The following SVEP1 variants were observed in gnomAD, a reference collection of about 807,000 sequenced individuals.
The protein encoded by SVEP1 is sushi, von Willebrand factor type A, EGF and pentraxin domain containing 1.
SVEP1 carries 164 observed loss-of-function variants against 367.3 expected under a neutral mutation model. The observed-to-expected ratio is 0.45, with a 90% CI of 0.39 to 0.51. SVEP1 has a LOEUF of 0.51. SVEP1 is among the 20% of genes least tolerant of loss of function. The pLI, the probability that SVEP1 is intolerant of heterozygous loss-of-function variation, is 0.00. For synonymous variants in SVEP1, 1,666 were observed against 1,611.6 expected, an observed-to-expected ratio of 1.03 and a Z score of -0.81; for missense variants, 4,117 against 4,425.3, an observed-to-expected ratio of 0.93 and a Z score of 1.98.
intron 12 of SVEP1, 64 bp from the exon 13 acceptor site, chr9:110,479,820 C>T: frequency 6.4e-7 from 1 of 1,556,352 alleles, no homozygotes; most frequent in Non-Finnish European, 8.7e-7. Context: ...ATTTGACTTT[C>T]TATGAAATAA....
chr9:110,438,803 T>C (rs1780136403), intron 27 of SVEP1, among the ~76,000 whole-genome samples: 1 of 152,204 alleles, frequency 6.6e-6, no homozygotes, highest in African/African-American at 2.4e-5. Flanking sequence ...TTGCCAGCGC[T>C]CTATACACAG....
At chr9:110,449,456 G>A (rs184945819) in intron 24 of SVEP1, among the ~76,000 whole-genome samples, 113 of 152,270 alleles carry the variant, frequency 7.4e-4, no homozygotes, top group African/African-American at 2.5e-3. Flanking sequence ...TAAAGCACAT[G>A]TGGCTCATCT....
At chr9:110,568,367 C>A (rs774521027) in intron 1 of SVEP1, among the ~76,000 whole-genome samples, 1 of 152,178 alleles carries the variant, frequency 6.6e-6, no homozygotes, top group Non-Finnish European at 1.5e-5. Flanking sequence ...ACAGAGTGTG[C>A]GATGAACATT....
chr9:110,507,783 G>C (rs1292330354), intron 5 of SVEP1, among the ~76,000 whole-genome samples: 1 of 152,144 alleles, frequency 6.6e-6, no homozygotes, highest in Non-Finnish European at 1.5e-5. Flanking sequence ...ATTAAAAGGT[G>C]AATCAGATAA....
intron 26 of SVEP1, among the ~76,000 whole-genome samples, chr9:110,444,888 T>C (rs547334880): frequency 3.9e-5 from 6 of 152,326 alleles, no homozygotes; most frequent in African/African-American, 1.4e-4. Context: ...CTTCTTGGAT[T>C]TTTGTTTTTG....
intron 24 of SVEP1, among the ~76,000 whole-genome samples, chr9:110,448,565 T>G (rs1216765310): frequency 6.6e-6 from 1 of 152,362 alleles, no homozygotes; most frequent in East Asian, 1.9e-4. Flanking sequence ...TTTATCCTCC[T>G]GTGTTTGGTG....
intron 44 of SVEP1, among the ~76,000 whole-genome samples, chr9:110,379,012 G>A (rs1049266426): frequency 6.6e-6 from 1 of 151,572 alleles, no homozygotes; most frequent in Non-Finnish European, 1.5e-5. Context: ...CGTACTTCTC[G>A]ACTTCTAGCA....
At chr9:110,493,201 T>G (rs958851035) in intron 8 of SVEP1, among the ~76,000 whole-genome samples, 2 of 151,612 alleles carry the variant, frequency 1.3e-5, no homozygotes, top group Non-Finnish European at 2.9e-5. Context: ...GGCAGGGAAC[T>G]GTAAGGGGTT....
At chr9:110,423,520 C>T (rs558674417) in intron 36 of SVEP1, among the ~76,000 whole-genome samples, 1 of 152,154 alleles carries the variant, frequency 6.6e-6, no homozygotes, top group South Asian at 2.1e-4. Context: ...GGAGTGCTGA[C>T]AGAAGTTAAT....
At chr9:110,416,180 G>GA (rs961059816) in intron 36 of SVEP1, among the ~76,000 whole-genome samples, 13 of 151,702 alleles carry the variant, frequency 8.6e-5, no homozygotes, top group Admixed American at 1.3e-4. Flanking sequence ...TTGGCAGACA[G>GA]AAAAAACTGC....
intron 1 of SVEP1, among the ~76,000 whole-genome samples, chr9:110,551,957 G>C (rs1564174543): frequency 6.6e-6 from 1 of 151,594 alleles, no homozygotes. Context: ...TATCTGGGAT[G>C]GTGGTACATC....
At chr9:110,391,339 C>A (rs778910504) in intron 40 of SVEP1, among the ~76,000 whole-genome samples, 1 of 149,840 alleles carries the variant, frequency 6.7e-6, no homozygotes, top group Non-Finnish European at 1.5e-5. Flanking sequence ...GGTGCAATCT[C>A]GGCTCTCTGC....
intron 36 of SVEP1, among the ~76,000 whole-genome samples, chr9:110,414,499 G>C (rs2781265): frequency 0.39 from 58,701 of 151,748 alleles, 12,032 homozygotes; most frequent in African/African-American, 0.51. Context: ...TTTGTATGAA[G>C]ATCTGAACTT....
At chr9:110,492,392 G>A (rs2118731191) in intron 8 of SVEP1, among the ~76,000 whole-genome samples, 1 of 152,180 alleles carries the variant, frequency 6.6e-6, no homozygotes, top group Admixed American at 6.5e-5. Flanking sequence ...CGGCTGAAAA[G>A]TTAAACTGAT....
intron 17 of SVEP1, among the ~76,000 whole-genome samples, chr9:110,467,554 T>C (rs1451414712): frequency 1.3e-5 from 2 of 152,034 alleles, no homozygotes; most frequent in Non-Finnish European, 2.9e-5. Context: ...TTTAGTATCG[T>C]ACCCCTGGGG....
intron 40 of SVEP1, among the ~76,000 whole-genome samples, chr9:110,392,054 A>C (rs1225570010): frequency 1.3e-5 from 2 of 150,326 alleles, no homozygotes; most frequent in African/African-American, 4.9e-5. Flanking sequence ...GAATTACACC[A>C]CCAGCTTCTC....
intron 40 of SVEP1, among the ~76,000 whole-genome samples, chr9:110,390,194 T>C (rs1358643893): frequency 1.6e-5 from 2 of 127,718 alleles, no homozygotes; most frequent in South Asian, 2.3e-4. Flanking sequence ...TATACACTTA[T>C]ATAAGTATGT....
rs1827511484 is a variant in SVEP1, at chr9:110,385,749, ATTTACAAACATTAATGAGGAAGATGAT to A, written c.10237+122_10237+148del. The A allele has an allele frequency of 5.4e-6, 5 of 927,026 alleles. No homozygotes were observed. In the East Asian group the frequency reaches 1.6e-4, roughly 29 times the overall value. 57.4% of individuals were successfully genotyped at this position (927,026 alleles called of 1,614,324 possible). On this transcript the variant is annotated intron_variant, in intron 43 of 47. Transcript: ENST00000374469. ...GTTTGAAATTCAAAGATTAAAAGAA[ATTTACAAACATTAATGAGGAAGATGAT>A]AACTGTGATAGCACAGAGATCTAAG...
chr9:110,374,138 T>A (rs1368225406), intron 46 of SVEP1, among the ~76,000 whole-genome samples: 1 of 152,164 alleles, frequency 6.6e-6, no homozygotes, highest in African/African-American at 2.4e-5. Context: ...TTTGTTCTGA[T>A]CCTCTCCTTC....
Sources: allele counts gnomAD v4.1 joint callset (sites outside exome capture counted in the v4.1 genomes callset), GRCh38; gene constraint gnomAD v4.1.1; transcripts MANE v1.5; gene names NCBI Gene and HGNC (gene_info 2026-07-23, HGNC 2026-07-21).